The following KIF3A variants were observed in gnomAD, a reference collection of about 807,000 sequenced individuals.
KIF3A encodes the protein kinesin-like protein KIF3A.
KIF3A carries 27 observed loss-of-function variants against 92.6 expected under a neutral mutation model. The ratio of observed to expected loss-of-function variants is 0.29; its 90% confidence interval spans 0.21 to 0.40. KIF3A has a LOEUF of 0.40. KIF3A is among the 10% of genes least tolerant of loss of function. The pLI is 1.00. For synonymous variants in KIF3A, 250 were observed against 275.4 expected, an observed-to-expected ratio of 0.91 and a Z score of 0.92; for missense variants, 581 against 872.6, an observed-to-expected ratio of 0.67 and a Z score of 4.21.
chr5:132,690,702 C>T (rs1448422221), downstream of KIF3A, among the ~76,000 whole-genome samples: 13 of 151,732 alleles, frequency 8.6e-5, no homozygotes, highest in South Asian at 2.1e-4. Flanking sequence ...CCGAGGCAGG[C>T]GGATCACAAG....
intron 8 of KIF3A, 86 bp from the exon 9 acceptor site, chr5:132,711,143 A>G: frequency 1.6e-6 from 2 of 1,277,880 alleles, no homozygotes; most frequent in South Asian, 1.3e-5. Context: ...TTTCTTCCTC[A>G]GATTTTTGTT....
chr5:132,737,013 G>A (rs1561717957), intron 1 of KIF3A: 1 of 347,738 alleles, frequency 2.9e-6, no homozygotes, highest in Non-Finnish European at 5.4e-6. Flanking sequence ...TCGCTCCGCT[G>A]CCTCCCTGCG....
At chr5:132,714,133 C>A (rs145818827) in intron 8 of KIF3A, among the ~76,000 whole-genome samples, 2,130 of 151,962 alleles carry the variant, frequency 0.014, 43 homozygotes, top group African/African-American at 0.046. Flanking sequence ...CTGACCTCAA[C>A]TGATCCACCC....
In KIF3A at chr5:132,710,960, C is replaced by G. The variant is rs1369581422; in HGVS notation, c.1227G>C (p.Arg409Ser). The G allele has an allele frequency of 6.2e-7, 1 of 1,613,608 alleles. No homozygotes were observed. Among genetic ancestry groups the G allele is most frequent in the Non-Finnish European group, 8.5e-7 (1 of 1,179,712 alleles). ...ATCAGATTACTAAACAGAACTTACC[C>G]CTTCTTTTTTTCCTTTTCTCTCCAT... ...GEDGEKRKKR[R>S]GSSSSSSSDS... Residue 409 changes from arginine to serine, a missense_variant and splice_region_variant, in exon 9 of 19, where the codon AGG becomes AGC. Arg to Ser is a moderately radical substitution (Grantham distance 110). Coordinates refer to ENST00000403231, the MANE Select transcript of KIF3A (RefSeq NM_001300791.2).
rs1189294032 is a variant in KIF3A at position 132,693,285 on chromosome 5, G to A, written c.*3349C>T. On this transcript the variant is annotated 3_prime_UTR_variant, in exon 19 of 19. Transcript: ENST00000403231. Reference sequence around the variant, plus strand: ...CCCTTCCCTTGATTACTCATCTCATGCTTTATAAGAATCTAAACACAAATA... The same window carrying A: ...CCCTTCCCTTGATTACTCATCTCATACTTTATAAGAATCTAAACACAAATA... 3 of 152,262 alleles carry A rather than the reference G, an allele frequency of 2.0e-5. No individual in the cohort carries two copies. Among genetic ancestry groups the A allele is most frequent in the African/African-American group, 7.2e-5 (3 of 41,406 alleles). 9.4% of individuals were successfully genotyped at this position (152,262 alleles called of 1,614,324 possible).
chr5:132,711,197 A>T (rs1375853259), intron 8 of KIF3A, 140 bp from the exon 9 acceptor site: 6 of 696,174 alleles, frequency 8.6e-6, no homozygotes, highest in Non-Finnish European at 2.5e-6. Context: ...GCTCCTAGAA[A>T]GTATAACAGA....
chr5:132,701,994 G>C, intron 15 of KIF3A, 93 bp downstream of exon 15: 2 of 1,298,470 alleles, frequency 1.5e-6, no homozygotes, highest in Admixed American at 2.2e-5. Flanking sequence ...TTCAATAACT[G>C]AAGTATTAAG....
intron 9 of KIF3A, 132 bp downstream of exon 9, chr5:132,710,826 TA>T: frequency 8.2e-7 from 1 of 1,213,998 alleles, no homozygotes; most frequent in Non-Finnish European, 1.1e-6. Context: ...GTTAACCAGG[TA>T]AATGGCATAC....
At chr5:132,700,189 G>T (rs761273062) in intron 17 of KIF3A, 27 bp downstream of exon 17, 4 of 1,315,598 alleles carry the variant, frequency 3.0e-6, no homozygotes, top group Non-Finnish European at 3.2e-6. Flanking sequence ...TTTGTGTTTT[G>T]TTTTGTTTTT....
At chr5:132,734,110 A>G in intron 2 of KIF3A, 95 bp downstream of exon 2, 1 of 937,686 alleles carries the variant, frequency 1.1e-6, no homozygotes, top group Non-Finnish European at 1.6e-6. Flanking sequence ...TATATTTACT[A>G]CACTCATCAA....
intron 6 of KIF3A, 82 bp from the exon 7 acceptor site, chr5:132,716,524 TG>T (rs1409924284): frequency 2.5e-6 from 3 of 1,208,584 alleles, no homozygotes; most frequent in Non-Finnish European, 3.5e-6. Flanking sequence ...TAAAAAGTAA[TG>T]TAACAGTAAA....
At chr5:132,696,819 T>TA in intron 18 of KIF3A, 137 bp from the exon 19 acceptor site, 1 of 628,252 alleles carries the variant, frequency 1.6e-6, no homozygotes, top group East Asian at 2.7e-5. Context: ...TTGACCATGG[T>TA]AAGTGTTCAA....
intron 5 of KIF3A, 77 bp from the exon 6 acceptor site, chr5:132,717,061 T>A: frequency 7.3e-7 from 1 of 1,373,664 alleles, no homozygotes; most frequent in Non-Finnish European, 1.0e-6. Context: ...CTGAACAGTT[T>A]AAAACACTTA....
intron 8 of KIF3A, 72 bp from the exon 9 acceptor site, chr5:132,711,129 C>G: frequency 7.3e-7 from 1 of 1,374,578 alleles, no homozygotes; most frequent in Non-Finnish European, 1.0e-6. Flanking sequence ...ATACCTATAT[C>G]AGCTTTCTTC....
At position 132,734,454 on chromosome 5, in the gene KIF3A, T is replaced by C. The variant is rs1754328579; in HGVS notation, c.31A>G (p.Ser11Gly). The change falls in exon 2 of 19, where the codon AGC (serine) becomes GGC (glycine). Residue 11 changes from serine (S) to glycine (G), a missense_variant. This residue lies in a region of KIF3A where 217 missense variants were observed against 299.7 expected (regional missense o/e 0.72). Transcript: ENST00000403231. Reference sequence around the variant, plus strand: ...ACAACAACCTTCACATTATCGCAGCTTTCTGGCTTCTCTGATTTATTGATC... The same window carrying C: ...ACAACAACCTTCACATTATCGCAGCCTTCTGGCTTCTCTGATTTATTGATC... Reference protein sequence around the residue: MPINKSEKPESCDNVKVVVRC... With the variant: MPINKSEKPEGCDNVKVVVRC... 1 of 1,612,026 alleles carries C rather than the reference T, an allele frequency of 6.2e-7. No individual in the cohort carries two copies.
intron 1 of KIF3A, among the ~76,000 whole-genome samples, chr5:132,735,121 C>A (rs1483912568): frequency 1.3e-5 from 2 of 152,128 alleles, no homozygotes; most frequent in African/African-American, 4.8e-5. Context: ...GTCACCCAGG[C>A]TGGAGTGCAG....
chr5:132,724,963 A>T (rs1038884815), intron 4 of KIF3A, among the ~76,000 whole-genome samples: 7 of 149,010 alleles, frequency 4.7e-5, no homozygotes, highest in Admixed American at 2.0e-4. Context: ...AACATAAGAA[A>T]TCCTAAAAAC....
At chr5:132,718,508 C>T (rs1469524839) in intron 5 of KIF3A, among the ~76,000 whole-genome samples, 4 of 152,172 alleles carry the variant, frequency 2.6e-5, no homozygotes, top group African/African-American at 9.7e-5. Context: ...CGAGGTTTCA[C>T]CAGGTTGGCC....
chr5:132,712,314 TG>T (rs1356049694), intron 8 of KIF3A, among the ~76,000 whole-genome samples: 4 of 152,170 alleles, frequency 2.6e-5, no homozygotes, highest in Non-Finnish European at 5.9e-5. Flanking sequence ...TCAAAAAAAC[TG>T]ATGAGCACAT....
Sources: allele counts gnomAD v4.1 joint callset (sites outside exome capture counted in the v4.1 genomes callset), GRCh38; gene constraint gnomAD v4.1.1; regional missense constraint gnomAD v4.1.1; transcripts MANE v1.5; gene names NCBI Gene and HGNC (gene_info 2026-07-23, HGNC 2026-07-21).